Variants in SGPL1 observed in about 807,000 individuals in gnomAD.
SGPL1 encodes the protein sphingosine-1-phosphate lyase 1, also known as SP-lyase 1.
In SGPL1, 37 loss-of-function variants were observed where a neutral mutation model predicts 68.9. That is an observed-to-expected ratio of 0.54 (90% CI 0.41 to 0.71). The LOEUF (loss-of-function observed/expected upper bound fraction) is 0.71, where lower values mean the gene tolerates loss of function less well. Among genes scored for constraint, SGPL1 ranks in the 30% least tolerant of loss-of-function variants. SGPL1 has a pLI of 0.00. For missense variants in SGPL1, 551 were observed against 704.6 expected (o/e 0.78, Z 2.47); for synonymous variants, 236 against 248.5 (o/e 0.95, Z 0.47).
chr10:70,840,532 C>G (rs1050310686), intron 2 of SGPL1, among the ~76,000 whole-genome samples: 1 of 151,940 alleles, frequency 6.6e-6, no homozygotes, highest in Non-Finnish European at 1.5e-5. Context: ...GGGACTGAGC[C>G]TAGGTTGTTT....
Position 70,871,137 on chromosome 10 carries a change from A to G in SGPL1, c.900A>G (p.Glu300=), listed in dbSNP as rs367942181. The change falls in exon 10 of 15, where the codon GAA becomes GAG. Residue 300 remains glutamate, a synonymous_variant. Coordinates refer to ENST00000373202, the MANE Select transcript of SGPL1 (RefSeq NM_003901.4). ...FPHGVIDPVP[E]VAKLAVKYKI... Reference sequence around the variant, plus strand: ...ATGGTGTAATAGATCCTGTCCCTGAAGTGGCCAAGGTATATGAGAGAAATG... The same window carrying G: ...ATGGTGTAATAGATCCTGTCCCTGAGGTGGCCAAGGTATATGAGAGAAATG... 19 of 1,610,570 alleles carry G rather than the reference A, an allele frequency of 1.2e-5. No homozygotes were observed. The East Asian group carries it at 3.3e-4, about 28-fold the overall frequency.
chr10:70,835,911 C>G (rs1418997394), intron 2 of SGPL1, among the ~76,000 whole-genome samples: 2 of 152,140 alleles, frequency 1.3e-5, no homozygotes, highest in African/African-American at 4.8e-5. Context: ...AACAGACTTA[C>G]ACTCAGGGCC....
chr10:70,861,651 G>A (rs1266107084), intron 7 of SGPL1, among the ~76,000 whole-genome samples: 1 of 152,214 alleles, frequency 6.6e-6, no homozygotes, highest in African/African-American at 2.4e-5. Flanking sequence ...AGGGAGAGGC[G>A]TGAGCCGGAA....
intron 2 of SGPL1, among the ~76,000 whole-genome samples, chr10:70,823,280 A>C: frequency 6.6e-6 from 1 of 151,274 alleles, no homozygotes; most frequent in East Asian, 1.9e-4. Context: ...CAGAATAATC[A>C]CACCACATTA....
In SGPL1 at chr10:70,877,227, T is replaced by A; in HGVS notation, c.1599T>A (p.Val533=). 4 of 1,614,216 alleles carry A rather than the reference T, an allele frequency of 2.5e-6. No homozygotes were observed. The highest frequency in any genetic ancestry group is 3.4e-6 in the Non-Finnish European group (4 of 1,180,016). The part of the protein sequence containing the change: ...GAIYGMAQTT[V]DRNMVAELSS... Reference sequence around the variant, plus strand: ...TCTATGGCATGGCCCAGACAACTGTTGACAGGAATATGGTTGCAGAATTGT... The same window carrying A: ...TCTATGGCATGGCCCAGACAACTGTAGACAGGAATATGGTTGCAGAATTGT... Residue 533 remains valine, a synonymous_variant, in exon 15 of 15, where the codon GTT becomes GTA. Coordinates refer to ENST00000373202, the MANE Select transcript of SGPL1 (RefSeq NM_003901.4).
Position 70,877,386 on chromosome 10 carries a change from G to A in SGPL1, c.*51G>A. 6.3e-7 allele frequency: 1 copy of A among 1,597,894 alleles called. No individual in the cohort carries two copies. Among genetic ancestry groups the A allele is most frequent in the South Asian group, 1.1e-5 (1 of 90,604 alleles). On this transcript the variant is annotated 3_prime_UTR_variant, in exon 15 of 15. Transcript: ENST00000373202. ...GGATTCCAGCCTTCAGAAGGTTCTT[G>A]GGATATGGAACAGGCCGTGCACAAC...
intron 7 of SGPL1, 113 bp from the exon 8 acceptor site, chr10:70,868,232 A>C (rs1305998764): frequency 2.9e-5 from 22 of 762,678 alleles, no homozygotes; most frequent in Non-Finnish European, 4.4e-5. Context: ...TCTGCCTTGC[A>C]GCATGCATCC....
In SGPL1 at chr10:70,878,570, A is replaced by G. The variant is rs1347568144; in HGVS notation, c.*1235A>G. On this transcript the variant is annotated 3_prime_UTR_variant, in exon 15 of 15. Coordinates refer to ENST00000373202, the MANE Select transcript of SGPL1 (RefSeq NM_003901.4). Reference sequence around the variant, plus strand: ...GTAGGATGAACACCCAGATTCAAATATGTCACCAAAGTTGGTGGTGGTCCT... The same window carrying G: ...GTAGGATGAACACCCAGATTCAAATGTGTCACCAAAGTTGGTGGTGGTCCT... The G allele has an allele frequency of 6.6e-6, 1 of 152,210 alleles. No individual in the cohort carries two copies. The highest frequency in any genetic ancestry group is 1.9e-4 in the East Asian group (1 of 5,200). The allele number at this position is 152,210 out of a possible 1,614,324, so 9.4% of individuals were successfully genotyped here. A position where few individuals can be genotyped will look rare whatever the true frequency, so the allele number is the denominator to read the frequency against.
At chr10:70,850,881 G>T (rs1845868273) in intron 3 of SGPL1, among the ~76,000 whole-genome samples, 1 of 128,942 alleles carries the variant, frequency 7.8e-6, no homozygotes, top group Non-Finnish European at 1.6e-5. Context: ...TAGCATGAGG[G>T]TTGGGGGGAT....
In SGPL1 at chr10:70,859,487, T is replaced by A. The variant is rs757485874; in HGVS notation, c.603T>A (p.Asp201Glu). The A allele has an allele frequency of 7.2e-6, 11 of 1,527,616 alleles. No individual in the cohort carries two copies. Among genetic ancestry groups the A allele is most frequent in the Non-Finnish European group, 9.7e-6 (11 of 1,134,582 alleles). 94.6% of individuals were successfully genotyped at this position (1,527,616 alleles called of 1,614,324 possible). A position where few individuals can be genotyped will look rare whatever the true frequency, so the allele number is the denominator to read the frequency against. Reference protein sequence around the residue: ...IACSLFNGGPDSCGCVTSGGT... With the variant: ...IACSLFNGGPESCGCVTSGGT... The stretch of plus-strand genomic sequence containing the variant: ...GTTCCCTGTTCAATGGGGGACCAGA[T>A]TCGTGTGGATGTGTAAGTATATGCA... The change falls in exon 7 of 15, where the codon GAT becomes GAA. Residue 201 changes from aspartate to glutamate, a missense_variant. Physicochemically the swap from Asp to Glu is conservative, Grantham distance 45. Transcript: ENST00000373202.
chr10:70,817,801 A>G (rs1845263136), intron 2 of SGPL1, among the ~76,000 whole-genome samples: 5 of 152,208 alleles, frequency 3.3e-5, no homozygotes, highest in African/African-American at 2.4e-5. Context: ...AACACCTAGC[A>G]TGGTGCTCTG....
chr10:70,834,667 G>C (rs1050645018), intron 2 of SGPL1, among the ~76,000 whole-genome samples: 2 of 152,186 alleles, frequency 1.3e-5, no homozygotes, highest in Non-Finnish European at 2.9e-5. Context: ...CTTGTAGGAT[G>C]CCGTTAGGTC....
intron 2 of SGPL1, among the ~76,000 whole-genome samples, chr10:70,818,963 C>G (rs1311539270): frequency 6.6e-6 from 1 of 152,134 alleles, no homozygotes; most frequent in Non-Finnish European, 1.5e-5. Flanking sequence ...CAGAAATAAC[C>G]GCTGTGAGCA....
intron 3 of SGPL1, among the ~76,000 whole-genome samples, chr10:70,849,139 A>G (rs909472984): frequency 1.3e-5 from 2 of 152,150 alleles, no homozygotes; most frequent in South Asian, 4.1e-4. Context: ...CCACCTAGTC[A>G]CATTACTATA....
In SGPL1 at chr10:70,815,980, G is replaced by C. The variant is rs1248640586; in HGVS notation, c.-190G>C. 1 of 151,546 alleles carries C rather than the reference G, an allele frequency of 6.6e-6. No homozygotes were observed. Among genetic ancestry groups the C allele is most frequent in the African/African-American group, 2.4e-5 (1 of 41,324 alleles). 9.4% of individuals were successfully genotyped at this position (151,546 alleles called of 1,614,324 possible). A position where few individuals can be genotyped will look rare whatever the true frequency, so the allele number is the denominator to read the frequency against. On this transcript the variant is annotated 5_prime_UTR_variant, in exon 1 of 15. Coordinates refer to ENST00000373202, the MANE Select transcript of SGPL1 (RefSeq NM_003901.4). ...GGAGGGGCGAGGCCGGCGGCTGCCG[G>C]GCCTCCAATCTCGGCGGCGGCGGCG...
intron 2 of SGPL1, among the ~76,000 whole-genome samples, chr10:70,841,048 G>T (rs952913822): frequency 3.3e-5 from 5 of 152,042 alleles, no homozygotes; most frequent in African/African-American, 1.2e-4. Context: ...TTAACCATCT[G>T]GTTTGACCAC....
chr10:70,842,556 C>T (rs563870187), intron 2 of SGPL1, among the ~76,000 whole-genome samples: 3 of 152,066 alleles, frequency 2.0e-5, no homozygotes, highest in Non-Finnish European at 4.4e-5. Context: ...ACAATCATGG[C>T]GGAAGGCAAA....
In SGPL1 at chr10:70,825,334, T is replaced by A. The variant is rs543311568; in HGVS notation, c.27+8454T>A. On this transcript the variant is annotated intron_variant, in intron 2 of 14. Transcript: ENST00000373202. ...AGGTTAAGGAGTCTGGTTGATTTAA[T>A]TCAGAGGGTGGAATCCGGAGGCACA... is the stretch of plus-strand genomic sequence containing the variant. Among the ~76,000 whole-genome samples the A allele has an allele frequency of 1.2e-4, 19 of 152,272 alleles. No individual in the cohort carries two copies. The South Asian group carries it at 3.9e-3, about 32-fold the overall frequency.
chr10:70,859,280 C>CT, intron 6 of SGPL1, 91 bp from the exon 7 acceptor site: 1 of 970,506 alleles, frequency 1.0e-6, no homozygotes, highest in Non-Finnish European at 1.3e-6. Context: ...ATTGTTGTGC[C>CT]TAATACTTAG....
Sources: allele counts gnomAD v4.1 joint callset (sites outside exome capture counted in the v4.1 genomes callset), GRCh38; gene constraint gnomAD v4.1.1; transcripts MANE v1.5; gene names NCBI Gene and HGNC (gene_info 2026-07-23, HGNC 2026-07-21).